ETV5: variants seen among roughly 807,000 people sequenced by gnomAD.
ETV5 encodes the protein ETS translocation variant 5.
Under a neutral mutation model 70.0 loss-of-function variants are expected in ETV5, and 10 were observed. The observed-to-expected ratio is 0.14, with a 90% CI of 0.09 to 0.24. ETV5 has a LOEUF of 0.24. ETV5 is among the 10% of genes least tolerant of loss of function. The pLI, the probability that ETV5 is intolerant of heterozygous loss-of-function variation, is 1.00. For synonymous variants in ETV5, 216 were observed against 242.2 expected (o/e 0.89, Z 1.01); for missense variants, 453 against 651.2 (o/e 0.70, Z 3.31).
chr3:186,057,403 C>T lies in ETV5; in HGVS notation c.1039+20G>A, dbSNP rs560991757. The T allele has an allele frequency of 2.1e-5, 34 of 1,613,802 alleles. No homozygotes were observed. In the African/African-American group the frequency reaches 3.6e-4, roughly 17 times the overall value. ...CTCCAAACCTCTACCTGGCAACAAA[C>T]CTTGGATGGGGCTACTTACCTTCCA... On this transcript the variant is annotated intron_variant, in intron 10 of 12. Transcript: ENST00000306376. This position sits in a 1 kb window ranked among gnomAD's most constrained non-coding sequence, Gnocchi z 4.9.
intron 5 of ETV5, among the ~76,000 whole-genome samples, chr3:186,088,067 C>T (rs1390445550): frequency 6.6e-6 from 1 of 152,206 alleles, no homozygotes; most frequent in Non-Finnish European, 1.5e-5. Context: ...GCTTTGACCG[C>T]CTTCCAGCAG....
chr3:186,077,648 G>GCCCCGCCCCAGGCCCACACACTCT (rs1247216899), intron 7 of ETV5, among the ~76,000 whole-genome samples: 7 of 152,100 alleles, frequency 4.6e-5, no homozygotes, highest in Non-Finnish European at 1.0e-4. Flanking sequence ...CTATATCCAG[G>GCCCCGCCCCAGGCCCACACACTCT]CCCCGCCCCA....
At chr3:186,074,361 C>T (rs907007903) in intron 7 of ETV5, among the ~76,000 whole-genome samples, 2 of 151,932 alleles carry the variant, frequency 1.3e-5, no homozygotes, top group African/African-American at 4.8e-5. Context: ...AATGCCAGGC[C>T]CAAATGGTTG....
chr3:186,049,698 T>A (rs1374720100), intron 12 of ETV5, among the ~76,000 whole-genome samples: 1 of 152,236 alleles, frequency 6.6e-6, no homozygotes, highest in Non-Finnish European at 1.5e-5. Context: ...TGCCCTTCAG[T>A]CATTCTGCTG....
In ETV5 at chr3:186,047,886, C is replaced by G. The variant is rs1183694852; in HGVS notation, c.*753G>C. 4.3e-6 allele frequency: 1 copy of G among 233,410 alleles called. No individual in the cohort carries two copies. The highest frequency in any genetic ancestry group is 6.0e-5 in the East Asian group (1 of 16,582). 14.5% of individuals were successfully genotyped at this position (233,410 alleles called of 1,614,324 possible). A position where few individuals can be genotyped will look rare whatever the true frequency, so the allele number is the denominator to read the frequency against. On this transcript the variant is annotated 3_prime_UTR_variant, in exon 13 of 13. Transcript: ENST00000306376. The stretch of plus-strand genomic sequence containing the variant: ...AAACAACCACCAAAACAAAACAATC[C>G]CCCAAATCAGGGCAAAACAAAATAC...
At position 186,079,129 on chromosome 3, in the gene ETV5, A is replaced by G. The variant is rs548092164; in HGVS notation, c.650+688T>C. 4.4e-5 allele frequency: 46 copies of G among 1,050,982 alleles called. No individual in the cohort carries two copies. The African/African-American group carries it at 5.8e-4, about 13-fold the overall frequency. The allele number at this position is 1,050,982 out of a possible 1,614,324, so 65.1% of individuals were successfully genotyped here. The stretch of plus-strand genomic sequence containing the variant: ...AAGACAGGCCCCCAGCACATCTTCT[A>G]TAAAAGAAGGCCACAAGCATCCGAG... On this transcript the variant is annotated intron_variant, in intron 7 of 12. Coordinates refer to ENST00000306376, the MANE Select transcript of ETV5 (RefSeq NM_004454.3).
chr3:186,079,931 T>TG lies in ETV5; in HGVS notation c.535dup (p.His179ProfsTer31). 2 of 225,220 alleles carry TG rather than the reference T, an allele frequency of 8.9e-6. No individual in the cohort carries two copies. The highest frequency in any genetic ancestry group is 1.5e-5 in the Non-Finnish European group (2 of 130,578). 14.0% of individuals were successfully genotyped at this position (225,220 alleles called of 1,614,324 possible). The stretch of plus-strand genomic sequence containing the variant: ...CTGTGGTCCAGGCTCTGGAAGCGAA[T>TG]GGGGGGCGGGGGCGGGGCCCACACC... On this transcript the variant is annotated frameshift_variant, in exon 7 of 13. Transcript: ENST00000306376. LOFTEE classifies it high-confidence loss of function.
Position 186,048,777 on chromosome 3 carries a change from CG to C in ETV5, c.1394del (p.Pro465ArgfsTer3). 2 of 1,614,104 alleles carry C rather than the reference CG, an allele frequency of 1.2e-6. No homozygotes were observed. The highest frequency in any genetic ancestry group is 1.7e-6 in the Non-Finnish European group (2 of 1,180,020). On this transcript the variant is annotated frameshift_variant, in exon 13 of 13. Transcript: ENST00000306376. LOFTEE classifies it high-confidence loss of function. Reference protein sequence around the residue: ...FSMAFPDNQRPFLKAESECHL... With the variant: ...FSMAFPDNQRXFLKAESECHL... ...GGCACTCGGACTCTGCCTTCAGGAACGGACGCTGGTTATCCGGGAAAGCCAT... is the reference window on the plus strand; with the variant it reads ...GGCACTCGGACTCTGCCTTCAGGAACGACGCTGGTTATCCGGGAAAGCCAT...
Position 186,105,117 on chromosome 3 carries a change from A to T in ETV5, c.232+188T>A. On this transcript the variant is annotated intron_variant, in intron 5 of 12. Transcript: ENST00000306376. The surrounding 1 kb of genome is among the most constrained non-coding windows in gnomAD (Gnocchi z 4.5). ...CAGTAAATCTTACCTGCAATACAGT[A>T]GAAATACTTTAGAAATAATTTTATT... 1 of 530,252 alleles carries T rather than the reference A, an allele frequency of 1.9e-6. No individual in the cohort carries two copies. Among genetic ancestry groups the T allele is most frequent in the Non-Finnish European group, 3.3e-6 (1 of 304,380 alleles). 32.8% of individuals were successfully genotyped at this position (530,252 alleles called of 1,614,324 possible). A position where few individuals can be genotyped will look rare whatever the true frequency, so the allele number is the denominator to read the frequency against.
intron 5 of ETV5, among the ~76,000 whole-genome samples, chr3:186,094,441 A>AT (rs1013195228): frequency 1.3e-5 from 2 of 152,004 alleles, no homozygotes; most frequent in Admixed American, 6.6e-5. Flanking sequence ...TAGTAGAGTG[A>AT]TTTTTTTTGA....
intron 7 of ETV5, among the ~76,000 whole-genome samples, chr3:186,072,037 T>A (rs1239541727): frequency 1.4e-5 from 2 of 147,668 alleles, no homozygotes; most frequent in Admixed American, 6.7e-5. Context: ...TGACCTCAAG[T>A]GATCCACACA....
In ETV5 at chr3:186,052,049, T is replaced by C; in HGVS notation, c.1292A>G (p.Glu431Gly). 1 of 1,613,860 alleles carries C rather than the reference T, an allele frequency of 6.2e-7. No homozygotes were observed. The change falls in exon 12 of 13, where the codon GAA (glutamate) becomes GGA (glycine). Residue 431 changes from glutamate to glycine, a missense_variant. Transcript: ENST00000306376. This position sits in a 1 kb window ranked among gnomAD's most constrained non-coding sequence, Gnocchi z 4.5. Reference sequence around the variant, plus strand: ...GCTCACCTTCTGCATGATGCCCTTTTCATAGTAATAGCGGAGAGAGCGGCT... The same window carrying C: ...GCTCACCTTCTGCATGATGCCCTTTCCATAGTAATAGCGGAGAGAGCGGCT... The part of the protein sequence containing the change: ...KLSRSLRYYY[E>G]KGIMQKVAGE...
intron 9 of ETV5, chr3:186,064,160 G>A: frequency 2.0e-6 from 1 of 509,828 alleles, no homozygotes; most frequent in Non-Finnish European, 3.5e-6. Flanking sequence ...AGCCCTCACA[G>A]GGCTTAGGGG....
intron 5 of ETV5, among the ~76,000 whole-genome samples, chr3:186,087,414 C>T (rs1416880997): frequency 1.3e-5 from 2 of 152,124 alleles, no homozygotes; most frequent in Admixed American, 1.3e-4. Flanking sequence ...GATCTAAATG[C>T]TTATACCGTT....
At chr3:186,098,236 C>T (rs1174574961) in intron 5 of ETV5, among the ~76,000 whole-genome samples, 1 of 152,218 alleles carries the variant, frequency 6.6e-6, no homozygotes, top group Admixed American at 6.5e-5. Flanking sequence ...TCATGTGCCC[C>T]TCGGTTCAGA....
At position 186,109,039 on chromosome 3, in the gene ETV5, C is replaced by T. The variant is rs1287271672; in HGVS notation, c.-174G>A. On this transcript the variant is annotated 5_prime_UTR_variant, in exon 1 of 13. Coordinates refer to ENST00000306376, the MANE Select transcript of ETV5 (RefSeq NM_004454.3). ...TGGGCGCCTGGGCGAAAGGCTGGGC[C>T]GAACCGCTCCGAAGACGGTGAACCG... The T allele has an allele frequency of 6.5e-6, 1 of 152,758 alleles. No individual in the cohort carries two copies. The highest frequency in any genetic ancestry group is 2.0e-4 in the South Asian group (1 of 5,074). 9.5% of individuals were successfully genotyped at this position (152,758 alleles called of 1,614,324 possible). A position where few individuals can be genotyped will look rare whatever the true frequency, so the allele number is the denominator to read the frequency against.
rs552610152 is a variant in ETV5, at chr3:186,059,268, A to G, written c.971-1777T>C. On this transcript the variant is annotated intron_variant, in intron 9 of 12. Coordinates refer to ENST00000306376, the MANE Select transcript of ETV5 (RefSeq NM_004454.3). ...AGCATTAGTTCTCTGTTGCTTAACGACATCAAAGTCTATTTTATTGTCATT... is the reference window on the plus strand; with the variant it reads ...AGCATTAGTTCTCTGTTGCTTAACGGCATCAAAGTCTATTTTATTGTCATT... Among the ~76,000 whole-genome samples the G allele has an allele frequency of 2.0e-5, 3 of 152,248 alleles. No homozygotes were observed. The East Asian group carries it at 5.8e-4, about 29-fold the overall frequency.
chr3:186,073,933 T>C (rs551882012), intron 7 of ETV5, among the ~76,000 whole-genome samples: 85 of 152,240 alleles, frequency 5.6e-4, no homozygotes, highest in African/African-American at 1.9e-3. Context: ...GAAAAAGGGC[T>C]AAAAATTAGT....
chr3:186,055,075 G>A (rs1713124891), intron 11 of ETV5, among the ~76,000 whole-genome samples: 2 of 152,228 alleles, frequency 1.3e-5, no homozygotes, highest in African/African-American at 4.8e-5. Flanking sequence ...TATTAAGTAA[G>A]AAAGCAGGGG....
Sources: allele counts gnomAD v4.1 joint callset (sites outside exome capture counted in the v4.1 genomes callset), GRCh38; gene constraint gnomAD v4.1.1; non-coding constraint Gnocchi (gnomAD v3.1); transcripts MANE v1.5; gene names NCBI Gene and HGNC (gene_info 2026-07-23, HGNC 2026-07-21).